Variants in AHR observed in about 807,000 individuals in gnomAD.
The protein encoded by AHR is aryl hydrocarbon receptor.
In AHR, 40 loss-of-function variants were observed where a neutral mutation model predicts 86.8. The ratio of observed to expected loss-of-function variants is 0.46; its 90% confidence interval spans 0.36 to 0.60. The LOEUF is 0.60. Ranked by LOEUF, AHR falls within the 20% of genes least tolerant of loss-of-function variation. The pLI is 0.00. For synonymous variants in AHR, 398 were observed against 354.9 expected (o/e 1.12, Z -1.37); for missense variants, 1,001 against 1,011.6 (o/e 0.99, Z 0.14).
intron 9 of AHR, 61 bp from the exon 10 acceptor site, chr7:17,338,914 TTTTTTAAATTA>T: frequency 7.2e-7 from 1 of 1,384,806 alleles, no homozygotes; most frequent in Non-Finnish European, 9.6e-7. Flanking sequence ...TATGTTTTTC[TTTTTTAAATTA>T]TTTTTATTTT....
At chr7:17,302,506 C>CT (rs1362061970) in intron 1 of AHR, among the ~76,000 whole-genome samples, 1 of 151,866 alleles carries the variant, frequency 6.6e-6, no homozygotes. Context: ...AAGAATGGGT[C>CT]TTTTCATTTA....
intron 1 of AHR, among the ~76,000 whole-genome samples, chr7:17,303,588 T>C (rs748676289): frequency 2.7e-4 from 41 of 152,110 alleles, no homozygotes; most frequent in Non-Finnish European, 4.6e-4. Context: ...TTTAAAACAT[T>C]GTTTTTAAAG....
intron 1 of AHR, among the ~76,000 whole-genome samples, chr7:17,304,281 C>A (rs768171440): frequency 1.3e-4 from 20 of 152,058 alleles, no homozygotes; most frequent in Non-Finnish European, 2.6e-4. Context: ...CTTCCTGCAT[C>A]CTCCCAATAT....
chr7:17,323,943 C>G (rs866059745), intron 3 of AHR, among the ~76,000 whole-genome samples: 3 of 152,068 alleles, frequency 2.0e-5, no homozygotes, highest in South Asian at 2.1e-4. Context: ...TAATGAAATC[C>G]CGTATTTCAG....
chr7:17,333,758 A>T (rs572440126), intron 6 of AHR, among the ~76,000 whole-genome samples, 154 bp from the exon 7 acceptor site: 1 of 152,004 alleles, frequency 6.6e-6, no homozygotes, highest in South Asian at 2.1e-4. Context: ...CGTCCCATGG[A>T]GAGAGGAGTG....
At chr7:17,326,006 A>G (rs564939582) in intron 3 of AHR, among the ~76,000 whole-genome samples, 56 of 152,180 alleles carry the variant, frequency 3.7e-4, no homozygotes, top group Non-Finnish European at 7.6e-4. Context: ...GATAACACAT[A>G]AAGGCAGCAT....
At chr7:17,321,155 A>G (rs571324605) in intron 2 of AHR, among the ~76,000 whole-genome samples, 1 of 152,088 alleles carries the variant, frequency 6.6e-6, no homozygotes, top group East Asian at 1.9e-4. Flanking sequence ...GGTTTCTCTT[A>G]TTCAAATATC....
chr7:17,336,085 G>A (rs1782352249), intron 9 of AHR: 1 of 226,852 alleles, frequency 4.4e-6, no homozygotes, highest in African/African-American at 2.3e-5. Flanking sequence ...ATATAACAAT[G>A]CTTTATTTAG....
chr7:17,340,361 A>T, intron 10 of AHR, 133 bp downstream of exon 10: 1 of 1,216,398 alleles, frequency 8.2e-7, no homozygotes, highest in Non-Finnish European at 1.1e-6. Context: ...TTTTTATTAT[A>T]TCTGTGACTA....
In AHR at chr7:17,345,562, T is replaced by C. The variant is rs952206741; in HGVS notation, c.*2498T>C. The C allele has an allele frequency of 2.0e-5, 3 of 152,658 alleles. No individual in the cohort carries two copies. The highest frequency in any genetic ancestry group is 1.3e-4 in the Admixed American group (2 of 15,278). The allele number at this position is 152,658 out of a possible 1,614,324, so 9.5% of individuals were successfully genotyped here. A position where few individuals can be genotyped will look rare whatever the true frequency, so the allele number is the denominator to read the frequency against. ...TCTATTTTTACATTTAAACCTTTTA[T>C]TATAAGTCTTACATAAACCATTTTT... is the stretch of plus-strand genomic sequence containing the variant. On this transcript the variant is annotated 3_prime_UTR_variant, in exon 11 of 11. Coordinates refer to ENST00000242057, the MANE Select transcript of AHR (RefSeq NM_001621.5).
chr7:17,305,685 C>T (rs1781998582), intron 1 of AHR, among the ~76,000 whole-genome samples: 1 of 152,128 alleles, frequency 6.6e-6, no homozygotes, highest in Non-Finnish European at 1.5e-5. Context: ...TAAAAAACGT[C>T]ACTTTGATCT....
intron 9 of AHR, among the ~76,000 whole-genome samples, chr7:17,336,291 A>T (rs1237489420): frequency 6.6e-6 from 1 of 151,966 alleles, no homozygotes; most frequent in Non-Finnish European, 1.5e-5. Flanking sequence ...TGAAAAGATG[A>T]TTTACCGAGA....
chr7:17,307,933 T>C (rs1782022383), intron 1 of AHR, among the ~76,000 whole-genome samples: 3 of 152,166 alleles, frequency 2.0e-5, no homozygotes, highest in South Asian at 4.1e-4. Flanking sequence ...ATTTTACTCA[T>C]GTCTGTCCTG....
rs1348562246 is a variant in AHR at position 17,343,384 on chromosome 7, G to T, written c.*320G>T. 1 of 249,982 alleles carries T rather than the reference G, an allele frequency of 4.0e-6. No individual in the cohort carries two copies. Among genetic ancestry groups the T allele is most frequent in the Non-Finnish European group, 7.5e-6 (1 of 133,170 alleles). The allele number at this position is 249,982 out of a possible 1,614,324, so 15.5% of individuals were successfully genotyped here. On this transcript the variant is annotated 3_prime_UTR_variant, in exon 11 of 11. Coordinates refer to ENST00000242057, the MANE Select transcript of AHR (RefSeq NM_001621.5). ...GGGAAACTAAGATTCTTTTAAATTA[G>T]AAAATATTCTCTATTTGAATTATTT...
intron 7 of AHR, among the ~76,000 whole-genome samples, 175 bp from the exon 8 acceptor site, chr7:17,334,712 C>G (rs559992317): frequency 2.0e-5 from 3 of 152,006 alleles, no homozygotes. Context: ...CAATCATAAG[C>G]AAAGAAGATC....
At position 17,339,657 on chromosome 7, in the gene AHR, G is replaced by T; in HGVS notation, c.1832G>T (p.Cys611Phe). Residue 611 changes from cysteine to phenylalanine, a missense_variant, in exon 10 of 11, where the codon TGT (cysteine) becomes TTT (phenylalanine). This residue lies in a region of AHR where 607 missense variants were observed against 543.1 expected (regional missense o/e 1.12). Coordinates refer to ENST00000242057, the MANE Select transcript of AHR (RefSeq NM_001621.5). The stretch of plus-strand genomic sequence containing the variant: ...CAGTCCTTGGCTCTGAACTCAAGCT[G>T]TATGGTACAGGAACACCTACATCTA... ...QQQSLALNSS[C>F]MVQEHLHLEQ... is the part of the protein sequence containing the mutation. The T allele has an allele frequency of 6.2e-7, 1 of 1,614,084 alleles. No homozygotes were observed. Among genetic ancestry groups the T allele is most frequent in the Non-Finnish European group, 8.5e-7 (1 of 1,180,032 alleles).
rs1689956089 is a variant in AHR, at chr7:17,298,817, G to A, written c.-448G>A. The A allele has an allele frequency of 2.5e-6, 1 of 398,402 alleles. No individual in the cohort carries two copies. Among genetic ancestry groups the A allele is most frequent in the Non-Finnish European group, 4.4e-6 (1 of 225,944 alleles). 24.7% of individuals were successfully genotyped at this position (398,402 alleles called of 1,614,324 possible). On this transcript the variant is annotated 5_prime_UTR_variant, in exon 1 of 11. Transcript: ENST00000242057. ...AGCACCCTGGATTTAGGAAGTCCCGGGAGCAGCGCGGCGGCACCTCCCTCA... is the reference window on the plus strand; with the variant it reads ...AGCACCCTGGATTTAGGAAGTCCCGAGAGCAGCGCGGCGGCACCTCCCTCA...
At chr7:17,333,816 A>G (rs960285086) in intron 6 of AHR, 96 bp from the exon 7 acceptor site, 2 of 907,150 alleles carry the variant, frequency 2.2e-6, no homozygotes, top group Non-Finnish European at 3.3e-6. Context: ...GGAATTATCA[A>G]GAACCCTAGA....
chr7:17,330,652 G>C, intron 5 of AHR, 104 bp from the exon 6 acceptor site: 3 of 1,052,062 alleles, frequency 2.9e-6, no homozygotes, highest in Non-Finnish European at 3.9e-6. Flanking sequence ...TTTGTATTCA[G>C]AACACAGACT....
Sources: allele counts gnomAD v4.1 joint callset (sites outside exome capture counted in the v4.1 genomes callset), GRCh38; gene constraint gnomAD v4.1.1; regional missense constraint gnomAD v4.1.1; transcripts MANE v1.5; gene names NCBI Gene and HGNC (gene_info 2026-07-23, HGNC 2026-07-21).